Variants in CCDC150 observed in about 807,000 individuals in gnomAD.
CCDC150 encodes the protein coiled-coil domain containing 150, also known as coiled-coil domain-containing protein 150.
CCDC150 carries 151 observed loss-of-function variants against 156.5 expected under a neutral mutation model. The observed-to-expected ratio is 0.97, with a 90% confidence interval of 0.85 to 1.10. CCDC150 has a LOEUF of 1.10. CCDC150 is among the 50% of genes least tolerant of loss of function. The probability of loss-of-function intolerance (pLI) is 0.00; values close to 1 mark genes in which losing one functional copy is unlikely to be tolerated. For synonymous variants in CCDC150, 452 were observed against 429.4 expected, an observed-to-expected ratio of 1.05 and a Z score of -0.65; for missense variants, 1,312 against 1,268.1, an observed-to-expected ratio of 1.03 and a Z score of -0.53.
intron 17 of CCDC150, among the ~76,000 whole-genome samples, chr2:196,718,127 T>C (rs1039075374): frequency 2.0e-5 from 3 of 152,364 alleles, no homozygotes; most frequent in African/African-American, 7.2e-5. Context: ...TTCTTGTATT[T>C]CTTTCTAAAT....
At chr2:196,716,708 G>A (rs113730272) in intron 17 of CCDC150, among the ~76,000 whole-genome samples, 3,099 of 152,086 alleles carry the variant, frequency 0.02, 99 homozygotes, top group African/African-American at 0.069. Context: ...AGTCTTATAC[G>A]TATGTGAAAA....
chr2:196,732,579 G>A lies in CCDC150; in HGVS notation c.*17G>A. 6.6e-7 allele frequency: 1 copy of A among 1,509,206 alleles called. No homozygotes were observed. The highest frequency in any genetic ancestry group is 1.1e-5 in the South Asian group (1 of 89,008). 93.5% of individuals were successfully genotyped at this position (1,509,206 alleles called of 1,614,324 possible). A position where few individuals can be genotyped will look rare whatever the true frequency, so the allele number is the denominator to read the frequency against. On this transcript the variant is annotated 3_prime_UTR_variant, in exon 28 of 28. Transcript: ENST00000389175. ...AGGAAGTGATGTCCTTGACAAGGGAGCTTCTTTATGTGTAGCTACACTCCA... is the reference window on the plus strand; with the variant it reads ...AGGAAGTGATGTCCTTGACAAGGGAACTTCTTTATGTGTAGCTACACTCCA...
At position 196,721,361 on chromosome 2, in the gene CCDC150, T is replaced by TACACACATATATAC. The variant is rs1553567364; in HGVS notation, c.2260-160_2260-159insCACACATATATACA. ...ATTCATATATGTGTGTGCATATATATATATATATTTTCCAGGCAGCTGGAA... is the reference window on the plus strand; with the variant it reads ...ATTCATATATGTGTGTGCATATATATACACACATATATACATATATATTTTCCAGGCAGCTGGAA... On this transcript the variant is annotated intron_variant, in intron 20 of 27. Coordinates refer to ENST00000389175, the MANE Select transcript of CCDC150 (RefSeq NM_001080539.2). Among the ~76,000 whole-genome samples, 8 of 49,814 alleles carry TACACACATATATAC rather than the reference T, an allele frequency of 1.6e-4. 3 individuals are homozygous for TACACACATATATAC. Among genetic ancestry groups the TACACACATATATAC allele is most frequent in the East Asian group, 2.5e-3 (2 of 792 alleles). 32.7% of individuals were successfully genotyped at this position (49,814 alleles called of 152,430 possible).
At chr2:196,674,789 G>A (rs4850723) in intron 10 of CCDC150, among the ~76,000 whole-genome samples, 82,580 of 151,980 alleles carry the variant, frequency 0.54, 26,643 homozygotes, top group East Asian at 0.79. Context: ...AACAGGAAGG[G>A]ATAAGTTTTC....
intron 7 of CCDC150, among the ~76,000 whole-genome samples, chr2:196,669,486 T>G (rs10497789): frequency 0.56 from 85,215 of 152,054 alleles, 27,612 homozygotes; most frequent in East Asian, 0.8. Context: ...TCGTCATTAC[T>G]TTATTGAATT....
intron 20 of CCDC150, 113 bp from the exon 21 acceptor site, chr2:196,721,409 A>G (rs1349037683): frequency 1.6e-6 from 1 of 624,790 alleles, no homozygotes; most frequent in Non-Finnish European, 2.2e-6. Flanking sequence ...GTTCCAACTA[A>G]TTATTGTTTC....
At chr2:196,658,183 T>C (rs1693335615) in intron 4 of CCDC150, among the ~76,000 whole-genome samples, 2 of 152,110 alleles carry the variant, frequency 1.3e-5, no homozygotes, top group Non-Finnish European at 2.9e-5. Context: ...ATCCATTGCA[T>C]TATTTGAGGC....
intron 2 of CCDC150, among the ~76,000 whole-genome samples, chr2:196,647,018 A>G (rs1692585866): frequency 6.6e-6 from 1 of 152,126 alleles, no homozygotes; most frequent in Non-Finnish European, 1.5e-5. Context: ...TGGATTATCA[A>G]TGGCCTGCAG....
chr2:196,657,169 A>G (rs769539237), intron 4 of CCDC150, 33 bp downstream of exon 4: 1 of 1,605,508 alleles, frequency 6.2e-7, no homozygotes, highest in South Asian at 1.1e-5. Flanking sequence ...GTATAAACAC[A>G]CTGTTATGTG....
At chr2:196,682,073 T>A (rs1199620996) in intron 13 of CCDC150, among the ~76,000 whole-genome samples, 2 of 151,992 alleles carry the variant, frequency 1.3e-5, no homozygotes, top group Admixed American at 6.6e-5. Context: ...TATTTTAAAA[T>A]TTTTTTAATA....
intron 13 of CCDC150, among the ~76,000 whole-genome samples, chr2:196,690,637 A>T (rs1370292843): frequency 6.6e-6 from 1 of 151,846 alleles, no homozygotes; most frequent in African/African-American, 2.4e-5. Context: ...TTACAGGATC[A>T]TGTCATCTGC....
intron 6 of CCDC150, 124 bp from the exon 7 acceptor site, chr2:196,666,595 A>T (rs1693853560): frequency 1.2e-6 from 1 of 812,182 alleles, no homozygotes; most frequent in Non-Finnish European, 1.9e-6. Flanking sequence ...ACTGTAACAT[A>T]GACTAACTTC....
At chr2:196,716,803 A>G (rs1457435983) in intron 17 of CCDC150, among the ~76,000 whole-genome samples, 1 of 147,100 alleles carries the variant, frequency 6.8e-6, no homozygotes, top group Admixed American at 6.7e-5. Context: ...GAAAAATCAT[A>G]TATTACCTAT....
chr2:196,651,830 C>T (rs1247750635), intron 2 of CCDC150, among the ~76,000 whole-genome samples: 1 of 152,178 alleles, frequency 6.6e-6, no homozygotes, highest in African/African-American at 2.4e-5. Context: ...CATAGTTCTG[C>T]AGGCTGTAAA....
chr2:196,704,794 T>G (rs1696491961), intron 15 of CCDC150, among the ~76,000 whole-genome samples: 1 of 152,090 alleles, frequency 6.6e-6, no homozygotes, highest in Non-Finnish European at 1.5e-5. Context: ...AGTGAGAACA[T>G]GGGGTGTTTG....
chr2:196,710,023 G>A (rs537211306), intron 15 of CCDC150, among the ~76,000 whole-genome samples: 7 of 152,342 alleles, frequency 4.6e-5, no homozygotes, highest in Non-Finnish European at 7.4e-5. Flanking sequence ...ACTGTGCTGC[G>A]AGAACCACTG....
At chr2:196,709,909 A>G (rs927897134) in intron 15 of CCDC150, among the ~76,000 whole-genome samples, 11 of 152,044 alleles carry the variant, frequency 7.2e-5, no homozygotes, top group African/African-American at 1.2e-4. Context: ...ACCCGGCTGT[A>G]TGAGGTGTCA....
chr2:196,718,810 A>G, intron 18 of CCDC150, among the ~76,000 whole-genome samples, 179 bp downstream of exon 18: 1 of 152,144 alleles, frequency 6.6e-6, no homozygotes, highest in East Asian at 1.9e-4. Flanking sequence ...TTAAAAATAC[A>G]TTATATGTAT....
At chr2:196,692,325 G>A (rs929048946) in intron 13 of CCDC150, among the ~76,000 whole-genome samples, 1 of 150,042 alleles carries the variant, frequency 6.7e-6, no homozygotes, top group African/African-American at 2.5e-5. Flanking sequence ...TAGTAGAGAC[G>A]GGGTTTCACC....
Sources: allele counts gnomAD v4.1 joint callset (sites outside exome capture counted in the v4.1 genomes callset), GRCh38; gene constraint gnomAD v4.1.1; transcripts MANE v1.5; gene names NCBI Gene and HGNC (gene_info 2026-07-23, HGNC 2026-07-21).